The following SHROOM3 variants were observed in gnomAD, a reference collection of about 807,000 sequenced individuals.
The protein encoded by SHROOM3 is shroom family member 3, also known as protein Shroom3.
Under a neutral mutation model 138.6 loss-of-function variants are expected in SHROOM3, and 47 were observed. The ratio of observed to expected loss-of-function variants is 0.34; its 90% CI spans 0.27 to 0.43. SHROOM3 has a LOEUF of 0.43. SHROOM3 is among the 20% of genes least tolerant of loss of function. The probability of loss-of-function intolerance (pLI) is 1.00; values close to 1 mark genes in which losing one functional copy is unlikely to be tolerated. For synonymous variants in SHROOM3, 1,062 were observed against 1,063.3 expected, an observed-to-expected ratio of 1.00 and a Z score of 0.02; for missense variants, 2,491 against 2,596.5, an observed-to-expected ratio of 0.96 and a Z score of 0.88.
chr4:76,454,985 G>A (rs1283199950), intron 1 of SHROOM3, among the ~76,000 whole-genome samples: 3 of 151,872 alleles, frequency 2.0e-5, no homozygotes, highest in Admixed American at 2.0e-4. Context: ...TAATTTTTGT[G>A]TGTTGATTTC....
At chr4:76,463,155 A>T (rs547313980) in intron 1 of SHROOM3, among the ~76,000 whole-genome samples, 53 of 152,338 alleles carry the variant, frequency 3.5e-4, no homozygotes, top group African/African-American at 1.2e-3. Context: ...TGTGATATGG[A>T]CAATGAAGTC....
chr4:76,667,465 T>C (rs552497623), intron 2 of SHROOM3, among the ~76,000 whole-genome samples: 1 of 152,174 alleles, frequency 6.6e-6, no homozygotes, highest in South Asian at 2.1e-4. Flanking sequence ...TACAGGCATG[T>C]GCCATCATAC....
intron 2 of SHROOM3, among the ~76,000 whole-genome samples, chr4:76,698,965 T>G (rs1195161094): frequency 1.3e-5 from 2 of 152,224 alleles, no homozygotes; most frequent in Non-Finnish European, 2.9e-5. Flanking sequence ...GTTGCCCTTT[T>G]TAAGGAATTA....
intron 1 of SHROOM3, among the ~76,000 whole-genome samples, chr4:76,534,124 C>CA (rs1732890108): frequency 6.6e-6 from 1 of 152,152 alleles, no homozygotes; most frequent in African/African-American, 2.4e-5. Context: ...GTAGGCATGC[C>CA]ATGAGGTAGC....
At chr4:76,467,673 T>C (rs965173127) in intron 1 of SHROOM3, among the ~76,000 whole-genome samples, 1 of 152,130 alleles carries the variant, frequency 6.6e-6, no homozygotes, top group African/African-American at 2.4e-5. Context: ...GCAACTGCAA[T>C]TGGTGATCTT....
intron 2 of SHROOM3, among the ~76,000 whole-genome samples, chr4:76,579,109 G>A (rs1341285859): frequency 6.6e-6 from 1 of 152,198 alleles, no homozygotes; most frequent in Admixed American, 6.5e-5. Context: ...GAGCCCGGGA[G>A]GTCAAGGATG....
chr4:76,670,433 G>A (rs2110097674), intron 2 of SHROOM3, among the ~76,000 whole-genome samples: 1 of 152,270 alleles, frequency 6.6e-6, no homozygotes, highest in Admixed American at 6.5e-5. Context: ...CTGGGTTAGG[G>A]GGTGGGAGCA....
intron 1 of SHROOM3, among the ~76,000 whole-genome samples, chr4:76,446,262 G>T (rs557296521): frequency 6.6e-6 from 1 of 151,248 alleles, no homozygotes. Context: ...TAAAAACTGC[G>T]TTGTCACTTT....
At chr4:76,521,104 C>A (rs1732554671) in intron 1 of SHROOM3, among the ~76,000 whole-genome samples, 1 of 151,470 alleles carries the variant, frequency 6.6e-6, no homozygotes, top group Non-Finnish European at 1.5e-5. Context: ...TAACAGGAGT[C>A]TTTTTTTTTA....
chr4:76,640,396 A>G (rs1287241690), intron 2 of SHROOM3, among the ~76,000 whole-genome samples: 1 of 152,168 alleles, frequency 6.6e-6, no homozygotes, highest in Non-Finnish European at 1.5e-5. Context: ...GGTGCTCTTC[A>G]CGCTCACCTG....
chr4:76,509,370 C>T (rs1394759570), intron 1 of SHROOM3: 2 of 152,122 alleles, frequency 1.3e-5, no homozygotes, highest in African/African-American at 4.8e-5. Context: ...GTGCAGGTAC[C>T]TGGGGCCTTA....
rs1468073167 is a variant in SHROOM3 at position 76,741,104 on chromosome 4, C to T, written c.2931C>T (p.Ala977=). 20 of 1,548,328 alleles carry T rather than the reference C, an allele frequency of 1.3e-5. No homozygotes were observed. In the African/African-American group the frequency reaches 2.3e-4, roughly 18 times the overall value. The change falls in exon 5 of 11, where the codon GCC becomes GCT. Residue 977 remains alanine, a synonymous_variant. Transcript: ENST00000296043. This position sits in a 1 kb window ranked among gnomAD's most constrained non-coding sequence, Gnocchi z 6.2. ...GLRSPEASAS[A]SPHTPRERHS... ...GGAGCCCCGAGGCGTCGGCCTCCGC[C>T]TCCCCGCACACGCCCCGGGAGCGGC... is the stretch of plus-strand genomic sequence containing the variant.
At chr4:76,700,759 TTTTTC>T (rs948130855) in intron 2 of SHROOM3, among the ~76,000 whole-genome samples, 2 of 151,732 alleles carry the variant, frequency 1.3e-5, no homozygotes, top group East Asian at 1.9e-4. Flanking sequence ...ATATCTTTTT[TTTTTC>T]TTTCTTTCTT....
At chr4:76,650,126 C>A (rs59979312) in intron 2 of SHROOM3, among the ~76,000 whole-genome samples, 13,114 of 152,158 alleles carry the variant, frequency 0.086, 600 homozygotes, top group East Asian at 0.14. Context: ...CTGATCAGGG[C>A]CCTACCTTTA....
intron 5 of SHROOM3, among the ~76,000 whole-genome samples, chr4:76,745,324 C>T (rs190166559): frequency 6.6e-6 from 1 of 152,168 alleles, no homozygotes; most frequent in African/African-American, 2.4e-5. Context: ...TAAAGAGAAA[C>T]CCTTGGAGAA....
At chr4:76,444,600 G>T (rs1430127293) in intron 1 of SHROOM3, among the ~76,000 whole-genome samples, 1 of 145,604 alleles carries the variant, frequency 6.9e-6, no homozygotes. Flanking sequence ...GGGTTCAAGC[G>T]ATTCTCCTGC....
At position 76,436,049 on chromosome 4, in the gene SHROOM3, T is replaced by C. The variant is rs754248622; in HGVS notation, c.-4T>C. On this transcript the variant is annotated 5_prime_UTR_variant, in exon 1 of 11. Coordinates refer to ENST00000296043, the MANE Select transcript of SHROOM3 (RefSeq NM_020859.4). ...AATTTAACTTGAGGGATCATGTGTT[T>C]GGCATGATGAGGACCACTGAAGACT... 1.2e-6 allele frequency: 2 copies of C among 1,613,670 alleles called. No individual in the cohort carries two copies. The highest frequency in any genetic ancestry group is 1.7e-5 in the Admixed American group (1 of 59,976).
At chr4:76,677,652 C>T (rs527422356) in intron 2 of SHROOM3, among the ~76,000 whole-genome samples, 1 of 152,300 alleles carries the variant, frequency 6.6e-6, no homozygotes, top group South Asian at 2.1e-4. Context: ...CAAGAGCCTG[C>T]TAGAATCTGC....
chr4:76,611,731 G>A (rs1359439675), intron 2 of SHROOM3, among the ~76,000 whole-genome samples: 1 of 152,114 alleles, frequency 6.6e-6, no homozygotes, highest in Non-Finnish European at 1.5e-5. Context: ...GCCATACCAG[G>A]AACTCTACAA....
Sources: allele counts gnomAD v4.1 joint callset (sites outside exome capture counted in the v4.1 genomes callset), GRCh38; gene constraint gnomAD v4.1.1; non-coding constraint Gnocchi (gnomAD v3.1); transcripts MANE v1.5; gene names NCBI Gene and HGNC (gene_info 2026-07-23, HGNC 2026-07-21).